PTPRB: variants seen among roughly 807,000 people sequenced by gnomAD.
The protein encoded by PTPRB is protein tyrosine phosphatase receptor type B, also known as receptor-type tyrosine-protein phosphatase beta.
A neutral mutation model predicts 238.1 loss-of-function variants in PTPRB; 97 were observed. The ratio of observed to expected loss-of-function variants is 0.41; its 90% CI spans 0.35 to 0.48. The LOEUF is 0.48. PTPRB is among the 20% of genes least tolerant of loss of function. The pLI, the probability that PTPRB is intolerant of heterozygous loss-of-function variation, is 0.30. For missense variants in PTPRB, 2,292 were observed against 2,681.9 expected (o/e 0.85, Z 3.21); for synonymous variants, 970 against 995.4 (o/e 0.97, Z 0.48).
intron 4 of PTPRB, among the ~76,000 whole-genome samples, chr12:70,603,532 G>A (rs1883696545): frequency 6.6e-6 from 1 of 152,154 alleles, no homozygotes; most frequent in African/African-American, 2.4e-5. Flanking sequence ...GAATACTGGA[G>A]TTGGAGCCAG....
chr12:70,590,386 GTTCT>G (rs1882362915), intron 7 of PTPRB, among the ~76,000 whole-genome samples, 153 bp from the exon 8 acceptor site: 1 of 152,130 alleles, frequency 6.6e-6, no homozygotes, highest in Non-Finnish European at 1.5e-5. Context: ...GCAAATGAGT[GTTCT>G]TTATTTCGGA....
Position 70,540,700 on chromosome 12 carries a change from A to C in PTPRB, c.5594+158T>G, listed in dbSNP as rs983954095. The C allele has an allele frequency of 2.1e-5, 13 of 623,864 alleles. No homozygotes were observed. In the South Asian group the frequency reaches 2.7e-4, roughly 13 times the overall value. The allele number at this position is 623,864 out of a possible 1,614,324, so 38.6% of individuals were successfully genotyped here. On this transcript the variant is annotated intron_variant, in intron 23 of 33. Transcript: ENST00000334414. ...ATAAAAGAGCTGAGAAAAGTGAGTC[A>C]TGGCTTTAGAGTTTGACTTGTTTTT...
chr12:70,521,524 A>G lies in PTPRB; in HGVS notation c.6626-13T>C. On this transcript the variant is annotated splice_polypyrimidine_tract_variant and intron_variant, in intron 33 of 33. Transcript: ENST00000334414. ...GAATAGACTGGATCTGAAAGGAAGA[A>G]CACTGTAATTAGAGACTGCCGCAGG... The G allele has an allele frequency of 1.3e-6, 2 of 1,537,366 alleles. No individual in the cohort carries two copies. Among genetic ancestry groups the G allele is most frequent in the Non-Finnish European group, 8.8e-7 (1 of 1,141,962 alleles).
chr12:70,618,918 C>T (rs1307346064), intron 3 of PTPRB, among the ~76,000 whole-genome samples: 1 of 151,994 alleles, frequency 6.6e-6, no homozygotes, highest in South Asian at 2.1e-4. Context: ...GGTCAAGTAC[C>T]GGCCCAAGTA....
intron 13 of PTPRB, 171 bp downstream of exon 13, chr12:70,570,855 T>C (rs1430263539): frequency 1.2e-5 from 9 of 750,288 alleles, no homozygotes; most frequent in Non-Finnish European, 1.9e-5. Flanking sequence ...CATCATACTT[T>C]ATTTTCATTC....
intron 20 of PTPRB, among the ~76,000 whole-genome samples, chr12:70,553,254 T>A (rs892012081): frequency 6.6e-6 from 1 of 152,154 alleles, no homozygotes; most frequent in Non-Finnish European, 1.5e-5. Flanking sequence ...ACACACAGCA[T>A]CATTTTCCTA....
Position 70,563,086 on chromosome 12 carries a change from AG to A in PTPRB, c.3925del (p.Leu1309Ter). The A allele has an allele frequency of 6.2e-7, 1 of 1,613,316 alleles. No homozygotes were observed. Among genetic ancestry groups the A allele is most frequent in the Non-Finnish European group, 8.5e-7 (1 of 1,179,540 alleles). On this transcript the variant is annotated frameshift_variant, in exon 16 of 34. Transcript: ENST00000334414. LOFTEE classifies it high-confidence loss of function. The part of the protein sequence containing the change: ...GRTVPAAVTD[L>X]RITENSTRHL... Reference sequence around the variant, plus strand: ...CCTGGTGGAGTTCTCTGTGATCCTCAGGTCGGTGACAGCTGCTGGGACTGGA... The same window carrying A: ...CCTGGTGGAGTTCTCTGTGATCCTCAGTCGGTGACAGCTGCTGGGACTGGA...
rs988123763 is a variant in PTPRB at position 70,518,806 on chromosome 12, C to T, written c.*2683G>A. 1.3e-5 allele frequency: 2 copies of T among 151,876 alleles called. No individual in the cohort carries two copies. Among genetic ancestry groups the T allele is most frequent in the East Asian group, 3.9e-4 (2 of 5,146 alleles). 9.4% of individuals were successfully genotyped at this position (151,876 alleles called of 1,614,324 possible). On this transcript the variant is annotated 3_prime_UTR_variant, in exon 34 of 34. Coordinates refer to ENST00000334414, the MANE Select transcript of PTPRB (RefSeq NM_001109754.4). ...ACTTGGAAAAATAATTATTAAGATGCTAGATGGGACTCTCCCAAGATTTGA... is the reference window on the plus strand; with the variant it reads ...ACTTGGAAAAATAATTATTAAGATGTTAGATGGGACTCTCCCAAGATTTGA...
chr12:70,541,253 G>A, intron 22 of PTPRB: 1 of 226,622 alleles, frequency 4.4e-6, no homozygotes, highest in Non-Finnish European at 8.5e-6. Flanking sequence ...AAAGCTTGGG[G>A]CACCTGAGAT....
chr12:70,577,483 G>A (rs2136406572), intron 10 of PTPRB, among the ~76,000 whole-genome samples: 1 of 152,312 alleles, frequency 6.6e-6, no homozygotes, highest in East Asian at 1.9e-4. Context: ...GCAGTATTGA[G>A]TAAAAGTTGA....
chr12:70,576,665 G>GGGGGGGGGGT lies in PTPRB; in HGVS notation c.2579-21_2579-20insACCCCCCCCC. 3.5e-6 allele frequency: 1 copy of GGGGGGGGGGT among 287,400 alleles called. No homozygotes were observed. The highest frequency in any genetic ancestry group is 6.2e-6 in the Non-Finnish European group (1 of 160,160). 17.8% of individuals were successfully genotyped at this position (287,400 alleles called of 1,614,324 possible). ...AAGGGACTGTGATTTTGAAAGGTGG[G>GGGGGGGGGGT]GGGCGGGGGGGGGGGGGAAGGGGGA... On this transcript the variant is annotated intron_variant, in intron 10 of 33. Transcript: ENST00000334414.
At position 70,519,973 on chromosome 12, in the gene PTPRB, A is replaced by G. The variant is rs1050029938; in HGVS notation, c.*1516T>C. ...ATGATTTTCAATTATTATGTCAATT[A>G]CATTCGTTGTATTCACTTACGGACT... is the stretch of plus-strand genomic sequence containing the variant. On this transcript the variant is annotated 3_prime_UTR_variant, in exon 34 of 34. Coordinates refer to ENST00000334414, the MANE Select transcript of PTPRB (RefSeq NM_001109754.4). 5.1e-5 allele frequency: 10 copies of G among 195,154 alleles called. No homozygotes were observed. Among genetic ancestry groups the G allele is most frequent in the Non-Finnish European group, 1.1e-4 (10 of 93,352 alleles). 12.1% of individuals were successfully genotyped at this position (195,154 alleles called of 1,614,324 possible).
chr12:70,635,808 T>C lies in PTPRB; in HGVS notation c.314A>G (p.Glu105Gly), dbSNP rs1363444500. The C allele has an allele frequency of 1.2e-6, 2 of 1,613,558 alleles. No individual in the cohort carries two copies. The stretch of plus-strand genomic sequence containing the variant: ...TTTCTGGAGAAAGAGAGAGGCATTT[T>C]CCACCTCAAGGAAGCCTTCCTGATC... ...CYDQEGFLEV[E>G]NASLFLQKQG... The change falls in exon 2 of 34, where the codon GAA (glutamate) becomes GGA (glycine). Residue 105 changes from glutamate to glycine, a missense_variant. Around this residue, in one of 4 missense-constraint regions of PTPRB, gnomAD observed 1,205 missense variants for 1,287.8 expected, o/e 0.94. Coordinates refer to ENST00000334414, the MANE Select transcript of PTPRB (RefSeq NM_001109754.4).
chr12:70,627,075 G>T (rs369085029), intron 2 of PTPRB, among the ~76,000 whole-genome samples: 9 of 152,082 alleles, frequency 5.9e-5, no homozygotes, highest in Non-Finnish European at 1.2e-4. Context: ...CTAAATCAAA[G>T]AAATACATTT....
At chr12:70,569,168 T>C (rs1879708861) in intron 14 of PTPRB, among the ~76,000 whole-genome samples, 1 of 152,232 alleles carries the variant, frequency 6.6e-6, no homozygotes, top group Admixed American at 6.5e-5. Flanking sequence ...AGTGGCACGA[T>C]CACGACTCAC....
intron 15 of PTPRB, among the ~76,000 whole-genome samples, chr12:70,565,429 G>A (rs1565950584): frequency 6.6e-6 from 1 of 152,150 alleles, no homozygotes; most frequent in Non-Finnish European, 1.5e-5. Context: ...TCTGTACAAA[G>A]TATTCTACCT....
intron 6 of PTPRB, among the ~76,000 whole-genome samples, chr12:70,594,124 C>G (rs770994286): frequency 1.3e-5 from 2 of 152,150 alleles, no homozygotes; most frequent in Non-Finnish European, 2.9e-5. Context: ...GAAAGTAACT[C>G]TGGTTCACTG....
At chr12:70,628,054 G>A (rs985947841) in intron 2 of PTPRB, among the ~76,000 whole-genome samples, 1 of 152,064 alleles carries the variant, frequency 6.6e-6, no homozygotes, top group African/African-American at 2.4e-5. Context: ...GTTAAATCGA[G>A]CCTGCCAACA....
rs78179163 is a variant in PTPRB at position 70,609,717 on chromosome 12, G to A, written c.709-378C>T. 2.6e-6 allele frequency: 4 copies of A among 1,519,426 alleles called. No homozygotes were observed. The South Asian group carries it at 3.6e-5, about 14-fold the overall frequency. 94.1% of individuals were successfully genotyped at this position (1,519,426 alleles called of 1,614,324 possible). On this transcript the variant is annotated intron_variant, in intron 3 of 33. Coordinates refer to ENST00000334414, the MANE Select transcript of PTPRB (RefSeq NM_001109754.4). ...GTGGAGTGGGAATTTGGTTTTCGGCGGGGAGGGGGCGCATCAGCTCTGACC... is the reference window on the plus strand; with the variant it reads ...GTGGAGTGGGAATTTGGTTTTCGGCAGGGAGGGGGCGCATCAGCTCTGACC...
Sources: allele counts gnomAD v4.1 joint callset (sites outside exome capture counted in the v4.1 genomes callset), GRCh38; gene constraint gnomAD v4.1.1; regional missense constraint gnomAD v4.1.1; transcripts MANE v1.5; gene names NCBI Gene and HGNC (gene_info 2026-07-23, HGNC 2026-07-21).